The following NID1 variants were observed in gnomAD, a reference collection of about 807,000 sequenced individuals.
NID1 encodes the protein nidogen-1.
In NID1, 76 loss-of-function variants were observed where a neutral mutation model predicts 130.6. That is an observed-to-expected ratio of 0.58 (90% confidence interval 0.48 to 0.70). NID1 has a LOEUF of 0.70. Ranked by LOEUF, NID1 falls within the 30% of genes least tolerant of loss-of-function variation. The pLI is 0.00. For synonymous variants in NID1, 665 were observed against 675.1 expected (o/e 0.98, Z 0.23); for missense variants, 1,517 against 1,664.8 (o/e 0.91, Z 1.54).
Position 235,980,582 on chromosome 1 carries a change from C to G in NID1, c.3299G>C (p.Arg1100Pro). 1 of 1,614,200 alleles carries G rather than the reference C, an allele frequency of 6.2e-7. No individual in the cohort carries two copies. Among genetic ancestry groups the G allele is most frequent in the Non-Finnish European group, 8.5e-7 (1 of 1,180,034 alleles). Residue 1100 changes from arginine (R) to proline (P), a missense_variant, in exon 17 of 20, where the codon CGG becomes CCG. By Grantham distance (103) the Arg-to-Pro change is moderately radical (BLOSUM62 -2). This residue lies in a region of NID1 where 181 missense variants were observed against 211.3 expected (regional missense o/e 0.86). Coordinates refer to ENST00000264187, the MANE Select transcript of NID1 (RefSeq NM_002508.3). ...IETSYMDGTN[R>P]RILVQDDLGL... ...CAGGTCATCCTGCACAAGGATCCTC[C>G]GGTTCGTGCCGTCCATGTAGGAAGT...
chr1:236,054,112 T>G (rs936548160), intron 1 of NID1, among the ~76,000 whole-genome samples: 1 of 151,946 alleles, frequency 6.6e-6, no homozygotes, highest in Non-Finnish European at 1.5e-5. Flanking sequence ...CAAATAAATT[T>G]TAAAGAAAAA....
chr1:235,993,075 G>A (rs1037501431), intron 13 of NID1, among the ~76,000 whole-genome samples: 1 of 152,212 alleles, frequency 6.6e-6, no homozygotes, highest in Non-Finnish European at 1.5e-5. Context: ...GATGGTCTTA[G>A]AGCCAGCTCA....
chr1:235,985,603 T>C, intron 14 of NID1, 98 bp from the exon 15 acceptor site: 2 of 1,380,572 alleles, frequency 1.4e-6, no homozygotes, highest in South Asian at 1.3e-5. Context: ...TCTTTTGTAA[T>C]GAAGTGTCAA....
chr1:236,037,481 A>C (rs908071200), intron 5 of NID1, among the ~76,000 whole-genome samples: 2 of 152,140 alleles, frequency 1.3e-5, no homozygotes, highest in African/African-American at 4.8e-5. Context: ...AACATGGAGA[A>C]ACCCCATCTC....
rs1558428615 is a variant in NID1, at chr1:236,003,104, ACTG to A, written c.2527+8814_2527+8816del. 1.1e-3 allele frequency among the ~76,000 whole-genome samples: 169 copies of A among 148,504 alleles called. 19 individuals carry two copies. Among genetic ancestry groups the A allele is most frequent in the African/African-American group, 2.1e-3 (83 of 40,184 alleles). ...TGGTAGTTGTCACTCCTAGTGAACG[ACTG>A]GTAGTTGTCACTCCTAGTGAACGAC... On this transcript the variant is annotated intron_variant, in intron 12 of 19. Coordinates refer to ENST00000264187, the MANE Select transcript of NID1 (RefSeq NM_002508.3).
chr1:236,021,057 C>T (rs1014617550), intron 9 of NID1, among the ~76,000 whole-genome samples: 2 of 152,216 alleles, frequency 1.3e-5, no homozygotes, highest in African/African-American at 4.8e-5. Context: ...GTTACTTCTG[C>T]ACCTTATTAC....
chr1:236,014,104 C>T (rs1658512356), intron 10 of NID1, among the ~76,000 whole-genome samples: 1 of 152,162 alleles, frequency 6.6e-6, no homozygotes, highest in South Asian at 2.1e-4. Flanking sequence ...AGGGAGACAG[C>T]TATGGTTGGA....
chr1:236,064,660 T>C, intron 1 of NID1, 195 bp downstream of exon 1: 1 of 628,456 alleles, frequency 1.6e-6, no homozygotes, highest in East Asian at 3.6e-5. Flanking sequence ...CGACCCGCTC[T>C]TCGGATAGCA....
intron 12 of NID1, among the ~76,000 whole-genome samples, chr1:236,004,366 A>G (rs1213062935): frequency 6.6e-6 from 1 of 152,196 alleles, no homozygotes; most frequent in Non-Finnish European, 1.5e-5. Context: ...AGAGCATCTC[A>G]CAGTGTGGGA....
intron 15 of NID1, among the ~76,000 whole-genome samples, chr1:235,984,690 A>G (rs1159793373): frequency 6.6e-6 from 1 of 152,232 alleles, no homozygotes; most frequent in Non-Finnish European, 1.5e-5. Flanking sequence ...AACATGTAAT[A>G]CTTGACCATT....
intron 12 of NID1, among the ~76,000 whole-genome samples, chr1:235,994,586 C>A (rs1160030087): frequency 2.0e-5 from 3 of 152,178 alleles, no homozygotes; most frequent in Non-Finnish European, 2.9e-5. Context: ...ATTGTAGGGA[C>A]AGATCATATT....
At chr1:236,047,140 A>T (rs905981925) in intron 2 of NID1, among the ~76,000 whole-genome samples, 1 of 152,260 alleles carries the variant, frequency 6.6e-6, no homozygotes, top group African/African-American at 2.4e-5. Flanking sequence ...AAACAAAAAA[A>T]GTAGTATTAG....
intron 12 of NID1, among the ~76,000 whole-genome samples, chr1:236,006,554 C>T (rs1277057337): frequency 6.6e-6 from 1 of 151,952 alleles, no homozygotes; most frequent in Non-Finnish European, 1.5e-5. Context: ...CTTCAACAGA[C>T]CAAATGCAAG....
Position 236,024,215 on chromosome 1 carries a change from T to A in NID1, c.1985-2A>T, listed in dbSNP as rs111846406. The A allele has an allele frequency of 6.2e-7, 1 of 1,614,200 alleles. No homozygotes were observed. The highest frequency in any genetic ancestry group is 8.5e-7 in the Non-Finnish European group (1 of 1,180,024). On this transcript the variant is annotated splice_acceptor_variant, in intron 8 of 19. Coordinates refer to ENST00000264187, the MANE Select transcript of NID1 (RefSeq NM_002508.3). LOFTEE classifies it high-confidence loss of function. ...TCTGAAGAGCATCAGGGGAGCCTTC[T>A]GTGAAGACAGAGACATTGGAACCAA... is the stretch of plus-strand genomic sequence containing the variant.
chr1:236,049,392 T>A (rs554149169), intron 1 of NID1, among the ~76,000 whole-genome samples: 11 of 152,206 alleles, frequency 7.2e-5, no homozygotes, highest in Non-Finnish European at 1.5e-4. Flanking sequence ...GCTGGGAGGA[T>A]GGCTTAAGCC....
intron 14 of NID1, among the ~76,000 whole-genome samples, chr1:235,986,576 T>C (rs1657579352): frequency 6.6e-6 from 1 of 152,194 alleles, no homozygotes; most frequent in African/African-American, 2.4e-5. Context: ...GTAAACAATT[T>C]ACATTTAAAT....
chr1:236,050,040 G>GA (rs61477102), intron 1 of NID1, among the ~76,000 whole-genome samples: 29,506 of 130,498 alleles, frequency 0.23, 3,596 homozygotes, highest in East Asian at 0.36. Context: ...CATCTCAGGG[G>GA]AAAAAAAAAA....
rs1312754459 is a variant in NID1 at position 236,065,024 on chromosome 1, G to GGTA, written c.55_56insTAC (p.Leu18dup). 2.6e-6 allele frequency: 4 copies of GGTA among 1,560,662 alleles called. No homozygotes were observed. Among genetic ancestry groups the GGTA allele is most frequent in the Non-Finnish European group, 3.5e-6 (4 of 1,152,684 alleles). ...GCCCACAGGCCCCGCCAGCAGCAGC[G>GGTA]GCAGCAGCAGCGCCCGCGTCCACGC... On this transcript the variant is annotated inframe_insertion, in exon 1 of 20. Transcript: ENST00000264187. This position sits in a 1 kb window ranked among gnomAD's most constrained non-coding sequence, Gnocchi z 4.1.
At chr1:236,026,739 ATTTTTTT>A (rs768617564) in intron 7 of NID1, among the ~76,000 whole-genome samples, 1 of 137,200 alleles carries the variant, frequency 7.3e-6, no homozygotes, top group Non-Finnish European at 1.6e-5. Flanking sequence ...TTTCTTTTTC[ATTTTTTT>A]TTTTTTTTTT....
Sources: gnomAD v4.1 joint callset for allele counts (sites outside exome capture counted in the v4.1 genomes callset) on GRCh38, gnomAD v4.1.1 for gene constraint, gnomAD v4.1.1 regional missense constraint, Gnocchi (gnomAD v3.1) non-coding constraint, MANE v1.5 for transcripts, NCBI Gene and HGNC (gene_info 2026-07-23, HGNC 2026-07-21) for gene names.